The following MIDEAS variants were observed in gnomAD, a reference collection of about 807,000 sequenced individuals.
MIDEAS encodes the protein mitotic deacetylase associated SANT domain protein, also known as mitotic deacetylase-associated SANT domain protein.
Under a neutral mutation model 102.7 loss-of-function variants are expected in MIDEAS, and 26 were observed. The ratio of observed to expected loss-of-function variants is 0.25; its 90% CI spans 0.19 to 0.35. The LOEUF (loss-of-function observed/expected upper bound fraction) is 0.35. Ranked by LOEUF, MIDEAS falls within the 10% of genes least tolerant of loss-of-function variation. The pLI is 1.00. For missense variants in MIDEAS, 1,231 were observed against 1,435.6 expected, an observed-to-expected ratio of 0.86 and a Z score of 2.30; for synonymous variants, 585 against 591.0, an observed-to-expected ratio of 0.99 and a Z score of 0.15.
intron 11 of MIDEAS, among the ~76,000 whole-genome samples, chr14:73,720,297 G>A (rs2052969905): frequency 6.9e-6 from 1 of 145,092 alleles, no homozygotes; most frequent in South Asian, 2.2e-4. Context: ...GGAGTGCAGT[G>A]GCATGATCTT....
chr14:73,753,130 T>C lies in MIDEAS; in HGVS notation c.-248+6633A>G, dbSNP rs369792853. On this transcript the variant is annotated intron_variant, in intron 1 of 12. Transcript: ENST00000423556. Reference sequence around the variant, plus strand: ...CAAGCCTTTCCCCTCTTCCTGTGCATGTGCCTGGCCGAGCAGTCCCCAGGC... The same window carrying C: ...CAAGCCTTTCCCCTCTTCCTGTGCACGTGCCTGGCCGAGCAGTCCCCAGGC... Among the ~76,000 whole-genome samples, 17 of 152,352 alleles carry C rather than the reference T, an allele frequency of 1.1e-4. 1 individual carries two copies. The highest frequency in any genetic ancestry group is 3.6e-4 in the African/African-American group (15 of 41,584).
chr14:73,752,363 G>A (rs375853885), intron 1 of MIDEAS, among the ~76,000 whole-genome samples: 4 of 152,034 alleles, frequency 2.6e-5, no homozygotes, highest in East Asian at 1.9e-4. Flanking sequence ...CTTGACATTC[G>A]TCTGGGGGAG....
intron 1 of MIDEAS, among the ~76,000 whole-genome samples, chr14:73,745,845 T>C (rs2053344642): frequency 1.3e-5 from 2 of 152,222 alleles, no homozygotes; most frequent in African/African-American, 4.8e-5. Context: ...CAAGTGTCAT[T>C]TTCCCTGGGA....
intron 1 of MIDEAS, among the ~76,000 whole-genome samples, chr14:73,775,567 A>G (rs1337569104): frequency 3.3e-5 from 5 of 152,098 alleles, no homozygotes; most frequent in South Asian, 2.1e-4. Flanking sequence ...AATCGCTTCC[A>G]GTCCAGAGCC....
intron 1 of MIDEAS, among the ~76,000 whole-genome samples, chr14:73,768,055 G>A (rs1047292985): frequency 6.6e-6 from 1 of 152,164 alleles, no homozygotes; most frequent in Non-Finnish European, 1.5e-5. Context: ...AGCTACTTGG[G>A]GGGCTGAGTG....
intron 1 of MIDEAS, among the ~76,000 whole-genome samples, chr14:73,756,712 G>C (rs2053488424): frequency 6.6e-6 from 1 of 152,194 alleles, no homozygotes; most frequent in African/African-American, 2.4e-5. Flanking sequence ...GCCCAGGCTA[G>C]CAGATCCCTA....
In MIDEAS at chr14:73,759,237, T is replaced by C. The variant is rs2053525615; in HGVS notation, c.-248+526A>G. The stretch of plus-strand genomic sequence containing the variant: ...CGCCGCGTCCAGGCCCACTTTCCCG[T>C]GCACGCTGGCAGGGGAAGGGGCTCC... On this transcript the variant is annotated intron_variant, in intron 1 of 12. Coordinates refer to ENST00000423556, the MANE Select transcript of MIDEAS (RefSeq NM_001367710.1). This position sits in a 1 kb window ranked among gnomAD's most constrained non-coding sequence, Gnocchi z 6.7. Among the ~76,000 whole-genome samples the C allele has an allele frequency of 1.3e-5, 2 of 152,160 alleles. No homozygotes were observed. Among genetic ancestry groups the C allele is most frequent in the Non-Finnish European group, 2.9e-5 (2 of 68,000 alleles).
intron 1 of MIDEAS, among the ~76,000 whole-genome samples, chr14:73,755,595 C>T (rs1252186959): frequency 6.6e-6 from 1 of 152,020 alleles, no homozygotes; most frequent in Non-Finnish European, 1.5e-5. Flanking sequence ...GGGGCCTGGG[C>T]GGGTAGGTTC....
chr14:73,776,002 C>A (rs767482303), intron 1 of MIDEAS, among the ~76,000 whole-genome samples: 5 of 151,948 alleles, frequency 3.3e-5, no homozygotes, highest in Admixed American at 6.6e-5. Flanking sequence ...AGACACCAGG[C>A]GCCTCAACTG....
At chr14:73,756,199 C>T (rs1275815477) in intron 1 of MIDEAS, among the ~76,000 whole-genome samples, 1 of 151,932 alleles carries the variant, frequency 6.6e-6, no homozygotes, top group Non-Finnish European at 1.5e-5. Context: ...TTGCTGGAGG[C>T]CTCCAGAATC....
At chr14:73,728,311 G>A (rs1291306553) in intron 4 of MIDEAS, 3 of 149,400 alleles carry the variant, frequency 2.0e-5, no homozygotes, top group Non-Finnish European at 4.4e-5. Flanking sequence ...TGCAATGTGA[G>A]ATAAAACCTG....
upstream of MIDEAS, among the ~76,000 whole-genome samples, chr14:73,789,507 C>T (rs1374622187): frequency 1.3e-5 from 2 of 152,212 alleles, no homozygotes; most frequent in Non-Finnish European, 2.9e-5. Flanking sequence ...TGCCTGGATT[C>T]CTGACCCACA....
chr14:73,725,396 G>A lies in MIDEAS; in HGVS notation c.2486-36C>T, dbSNP rs991994988. 3 of 1,570,990 alleles carry A rather than the reference G, an allele frequency of 1.9e-6. No individual in the cohort carries two copies. The highest frequency in any genetic ancestry group is 3.3e-5 in the Admixed American group (2 of 59,912). On this transcript the variant is annotated intron_variant, in intron 8 of 12. Coordinates refer to ENST00000423556, the MANE Select transcript of MIDEAS (RefSeq NM_001367710.1). The surrounding 1 kb of genome is among the most constrained non-coding windows in gnomAD (Gnocchi z 4.1). ...AAGAGGCAGCCAGGGAGTGAGGTGG[G>A]CAGGGCCCTGGCCACTGCAGGGCAA...
Position 73,718,903 on chromosome 14 carries a change from GGCA to G in MIDEAS, c.3237_3239del (p.Ala1084del), listed in dbSNP as rs755378954. ...GGGCCTGCTGGTGGGCGGCGGCGGC[GGCA>G]GCAGCGGCCTCTTTCTCCTTCAGCC... On this transcript the variant is annotated inframe_deletion, in exon 13 of 13. Coordinates refer to ENST00000423556, the MANE Select transcript of MIDEAS (RefSeq NM_001367710.1). 18 of 1,519,546 alleles carry G rather than the reference GGCA, an allele frequency of 1.2e-5. No homozygotes were observed. The African/African-American group carries it at 2.2e-4, about 19-fold the overall frequency. The allele number at this position is 1,519,546 out of a possible 1,614,324, so 94.1% of individuals were successfully genotyped here. A position where few individuals can be genotyped will look rare whatever the true frequency, so the allele number is the denominator to read the frequency against.
At chr14:73,730,166 T>G (rs1156640886) in intron 3 of MIDEAS, 181 bp from the exon 4 acceptor site, 2 of 736,322 alleles carry the variant, frequency 2.7e-6, no homozygotes, top group Non-Finnish European at 5.0e-6. Context: ...AGGGCAGAAG[T>G]CAGCAAACTT....
chr14:73,719,650 A>G (rs2140092248), intron 11 of MIDEAS, 149 bp from the exon 12 acceptor site: 1 of 716,604 alleles, frequency 1.4e-6, no homozygotes, highest in Admixed American at 2.5e-5. Flanking sequence ...CAGGGATATG[A>G]CGACCATTGC....
At chr14:73,751,131 G>A (rs777668625) in intron 1 of MIDEAS, among the ~76,000 whole-genome samples, 12 of 152,310 alleles carry the variant, frequency 7.9e-5, no homozygotes, top group Non-Finnish European at 1.2e-4. Context: ...GATTACAGGC[G>A]TGAGCCACCA....
intron 5 of MIDEAS, 35 bp from the exon 6 acceptor site, chr14:73,727,007 A>G (rs745532971): frequency 1.3e-6 from 2 of 1,557,166 alleles, no homozygotes; most frequent in Non-Finnish European, 1.7e-6. Context: ...GTGAGGCCTC[A>G]CCTTGCGGGG....
chr14:73,736,862 G>A, intron 3 of MIDEAS, 136 bp downstream of exon 3: 1 of 899,680 alleles, frequency 1.1e-6, no homozygotes, highest in Non-Finnish European at 1.7e-6. Flanking sequence ...CAGAAGTTTG[G>A]TTTGGAAAAT....
Sources: allele counts gnomAD v4.1 joint callset (sites outside exome capture counted in the v4.1 genomes callset), GRCh38; gene constraint gnomAD v4.1.1; non-coding constraint Gnocchi (gnomAD v3.1); transcripts MANE v1.5; gene names NCBI Gene and HGNC (gene_info 2026-07-23, HGNC 2026-07-21).